Variants in SEL1L2 observed in about 807,000 individuals in gnomAD.
SEL1L2 encodes the protein protein sel-1 homolog 2.
Under a neutral mutation model 98.8 loss-of-function variants are expected in SEL1L2, and 89 were observed. That is an observed-to-expected ratio of 0.90 (90% CI 0.76 to 1.07). SEL1L2 has a LOEUF of 1.07. SEL1L2 is among the 50% of genes least tolerant of loss of function. The pLI is 0.00. For synonymous variants in SEL1L2, 262 were observed against 278.5 expected (o/e 0.94, Z 0.59); for missense variants, 788 against 812.0 (o/e 0.97, Z 0.36).
At chr20:13,967,534 C>A (rs1031706506) in intron 1 of SEL1L2, among the ~76,000 whole-genome samples, 1 of 152,156 alleles carries the variant, frequency 6.6e-6, no homozygotes, top group Non-Finnish European at 1.5e-5. Context: ...CAGCTCATTT[C>A]TTTTCCTGGT....
chr20:13,860,520 T>C (rs561670966), intron 17 of SEL1L2, among the ~76,000 whole-genome samples: 63 of 152,342 alleles, frequency 4.1e-4, no homozygotes, highest in Middle Eastern at 3.4e-3. Flanking sequence ...GCAGCATTGA[T>C]GGCACTGCCT....
At chr20:13,849,748 G>A (rs1424855329) in intron 19 of SEL1L2, 144 bp from the exon 20 acceptor site, 48 of 906,324 alleles carry the variant, frequency 5.3e-5, no homozygotes, top group East Asian at 2.9e-4. Flanking sequence ...CACAATCTTC[G>A]CTTGCTTACA....
intron 10 of SEL1L2, among the ~76,000 whole-genome samples, chr20:13,882,812 C>CT (rs759286946): frequency 0.29 from 31,414 of 106,726 alleles, 5,809 homozygotes; most frequent in South Asian, 0.38. Context: ...GTCAATTTGT[C>CT]TTTTTTTTTT....
rs13038612 is a variant in SEL1L2, at chr20:13,984,645, T to C, written c.58+5832A>G. ...GACATCCAATCCTCTACTGCCAAAG[T>C]CTCTCTCTTTCTTTCTCTCTCTCTT... On this transcript the variant is annotated intron_variant, in intron 1 of 19. Coordinates refer to ENST00000284951, the MANE Select transcript of SEL1L2 (RefSeq NM_025229.2). 2.8e-3 allele frequency among the ~76,000 whole-genome samples: 420 copies of C among 152,040 alleles called. 4 individuals carry two copies. Among genetic ancestry groups the C allele is most frequent in the African/African-American group, 9.9e-3 (409 of 41,490 alleles).
chr20:13,875,566 C>T (rs1283045545), intron 12 of SEL1L2, among the ~76,000 whole-genome samples: 1 of 152,204 alleles, frequency 6.6e-6, no homozygotes, highest in Non-Finnish European at 1.5e-5. Flanking sequence ...CCCTGGCCTC[C>T]TCCCTGACAA....
At chr20:13,875,754 T>G (rs1280065918) in intron 12 of SEL1L2, among the ~76,000 whole-genome samples, 2 of 152,242 alleles carry the variant, frequency 1.3e-5, no homozygotes, top group African/African-American at 4.8e-5. Flanking sequence ...ATCTACTGCA[T>G]AAGGGAGAGG....
At chr20:13,939,040 GTTTT>G (rs386365633) in intron 2 of SEL1L2, among the ~76,000 whole-genome samples, 3 of 114,072 alleles carry the variant, frequency 2.6e-5, no homozygotes, top group Non-Finnish European at 3.5e-5. Flanking sequence ...TGCTTGTTTT[GTTTT>G]TTTTTTTTTT....
intron 5 of SEL1L2, among the ~76,000 whole-genome samples, chr20:13,904,269 C>T (rs1005798102): frequency 6.6e-6 from 1 of 152,202 alleles, no homozygotes; most frequent in Non-Finnish European, 1.5e-5. Context: ...TGGCTCACGC[C>T]TGTGATCCCA....
upstream of SEL1L2, among the ~76,000 whole-genome samples, chr20:13,993,232 T>C (rs771136057): frequency 2.6e-5 from 4 of 152,220 alleles, no homozygotes; most frequent in Non-Finnish European, 5.9e-5. Context: ...TCCAGACTTA[T>C]ACAGACCGCT....
chr20:13,991,384 G>A (rs915833467), upstream of SEL1L2, among the ~76,000 whole-genome samples: 31 of 152,106 alleles, frequency 2.0e-4, no homozygotes, highest in African/African-American at 7.5e-4. Flanking sequence ...AACGTAATGG[G>A]TTAAAACAAC....
chr20:13,909,839 C>T (rs6110087), intron 5 of SEL1L2, among the ~76,000 whole-genome samples: 1,887 of 151,960 alleles, frequency 0.012, 37 homozygotes, highest in African/African-American at 0.043. Context: ...GGTGGCACAG[C>T]CCGTAGTTCC....
At chr20:13,958,352 AT>A (rs34668386) in intron 1 of SEL1L2, among the ~76,000 whole-genome samples, 54,957 of 151,974 alleles carry the variant, frequency 0.36, 10,686 homozygotes, top group South Asian at 0.48. Flanking sequence ...CAGTTTTTGC[AT>A]TGTTGGAATT....
intron 15 of SEL1L2, among the ~76,000 whole-genome samples, chr20:13,866,155 T>C (rs1205946349): frequency 6.6e-6 from 1 of 152,176 alleles, no homozygotes; most frequent in Non-Finnish European, 1.5e-5. Flanking sequence ...GATTGCAACA[T>C]AGAGTATTTA....
chr20:13,921,268 G>A (rs1471978518), intron 3 of SEL1L2, among the ~76,000 whole-genome samples: 2 of 152,294 alleles, frequency 1.3e-5, no homozygotes, highest in Non-Finnish European at 2.9e-5. Flanking sequence ...CACCTCCTGG[G>A]TTCAAGTGAT....
chr20:13,935,914 G>C (rs2049430137), intron 2 of SEL1L2, among the ~76,000 whole-genome samples: 1 of 152,088 alleles, frequency 6.6e-6, no homozygotes, highest in Non-Finnish European at 1.5e-5. Flanking sequence ...AGTGGTTGTG[G>C]TTTGTTTCTG....
intron 12 of SEL1L2, among the ~76,000 whole-genome samples, chr20:13,870,564 A>G (rs2046139201): frequency 6.6e-6 from 1 of 152,160 alleles, no homozygotes; most frequent in Admixed American, 6.5e-5. Flanking sequence ...GCTCTGAGCC[A>G]TATCAAAGGG....
At chr20:13,965,893 C>T (rs762722823) in intron 1 of SEL1L2, among the ~76,000 whole-genome samples, 1 of 146,708 alleles carries the variant, frequency 6.8e-6, no homozygotes, top group African/African-American at 2.5e-5. Context: ...GCGGAGGTTA[C>T]AGTGAGCCGA....
intron 3 of SEL1L2, among the ~76,000 whole-genome samples, chr20:13,920,635 T>C (rs1302528425): frequency 1.3e-5 from 2 of 152,030 alleles, no homozygotes; most frequent in Non-Finnish European, 2.9e-5. Context: ...ACAGTGCCTC[T>C]TGAAGTCCAT....
intron 18 of SEL1L2, among the ~76,000 whole-genome samples, chr20:13,858,239 A>C (rs1323503670): frequency 6.6e-6 from 1 of 152,218 alleles, no homozygotes; most frequent in African/African-American, 2.4e-5. Context: ...CTCAATTACT[A>C]GCACAACCGG....
Sources: gnomAD v4.1 joint callset for allele counts (sites outside exome capture counted in the v4.1 genomes callset) on GRCh38, gnomAD v4.1.1 for gene constraint, MANE v1.5 for transcripts, NCBI Gene and HGNC (gene_info 2026-07-23, HGNC 2026-07-21) for gene names.